DPF2: variants seen among roughly 807,000 people sequenced by gnomAD.
DPF2 encodes double PHD fingers 2, also known as zinc finger protein ubi-d4.
In DPF2, 10 loss-of-function variants were observed where a neutral mutation model predicts 59.6. The ratio of observed to expected loss-of-function variants is 0.17; its 90% confidence interval spans 0.10 to 0.28. DPF2 has a LOEUF of 0.28. DPF2 is among the 10% of genes least tolerant of loss of function. The pLI is 1.00. For synonymous variants in DPF2, 189 were observed against 190.6 expected, an observed-to-expected ratio of 0.99 and a Z score of 0.07; for missense variants, 315 against 509.4, an observed-to-expected ratio of 0.62 and a Z score of 3.67.
chr11:65,343,299 C>CA (rs529933254), intron 4 of DPF2, among the ~76,000 whole-genome samples: 14,314 of 56,542 alleles, frequency 0.25, 2,003 homozygotes, highest in Non-Finnish European at 0.34. Context: ...AACTCTGTCT[C>CA]AAAAAAAAAA....
At chr11:65,345,049 T>C (rs1041212912) in intron 6 of DPF2, 32 of 191,610 alleles carry the variant, frequency 1.7e-4, no homozygotes, top group Non-Finnish European at 6.4e-5. Flanking sequence ...AAATGCCTCA[T>C]GGGGATCTGC....
intron 1 of DPF2, 102 bp from the exon 2 acceptor site, chr11:65,340,283 C>T: frequency 7.1e-7 from 1 of 1,401,040 alleles, no homozygotes; most frequent in East Asian, 2.4e-5. Flanking sequence ...GCCACCCAGT[C>T]CCTTGAGCCT....
intron 1 of DPF2, 65 bp downstream of exon 1, chr11:65,333,983 G>A: frequency 1.3e-6 from 2 of 1,590,208 alleles, no homozygotes; most frequent in South Asian, 1.1e-5. Context: ...AGTAGGGGGC[G>A]GTGGGGGAAG....
chr11:65,343,609 G>A, intron 4 of DPF2, 136 bp from the exon 5 acceptor site: 1 of 708,664 alleles, frequency 1.4e-6, no homozygotes, highest in Non-Finnish European at 2.4e-6. Flanking sequence ...TGCTTGAAAG[G>A]CGTTGGTGAG....
chr11:65,346,385 C>T lies in DPF2; in HGVS notation c.1017+26C>T, dbSNP rs903281954. The T allele has an allele frequency of 3.8e-6, 6 of 1,596,318 alleles. No individual in the cohort carries two copies. In the African/African-American group the frequency reaches 6.7e-5, roughly 18 times the overall value. ...GTGTGTATCCCCGCCCCCTCCTCAG[C>T]ATGGCTCCTTCTGGGCTTTTACTGC... On this transcript the variant is annotated intron_variant, in intron 9 of 10. Coordinates refer to ENST00000528416, the MANE Select transcript of DPF2 (RefSeq NM_006268.5).
chr11:65,345,401 C>T, intron 6 of DPF2: 1 of 490,716 alleles, frequency 2.0e-6, no homozygotes, highest in South Asian at 2.5e-5. Context: ...AGGGCTAAGC[C>T]CCCCAAAAGT....
chr11:65,348,777 T>C (rs1854611562), intron 9 of DPF2, 73 bp from the exon 10 acceptor site: 1 of 1,487,328 alleles, frequency 6.7e-7, no homozygotes. Flanking sequence ...CTCTTGGAAA[T>C]AGCAGTGTCC....
rs1854703949 is a variant in DPF2 at position 65,351,776 on chromosome 11, C to T, written c.*17C>T. 6.2e-7 allele frequency: 1 copy of T among 1,611,380 alleles called. No individual in the cohort carries two copies. Among genetic ancestry groups the T allele is most frequent in the Non-Finnish European group, 8.5e-7 (1 of 1,178,898 alleles). Reference sequence around the variant, plus strand: ...TCCTCTTGATGTGGCCACCCACCTGCTCCCCGACATATCTAAGGCTGTTTC... The same window carrying T: ...TCCTCTTGATGTGGCCACCCACCTGTTCCCCGACATATCTAAGGCTGTTTC... On this transcript the variant is annotated 3_prime_UTR_variant, in exon 11 of 11. Coordinates refer to ENST00000528416, the MANE Select transcript of DPF2 (RefSeq NM_006268.5).
chr11:65,353,519 C>T lies in DPF2; in HGVS notation c.*1760C>T, dbSNP rs923525458. Among the ~76,000 whole-genome samples, 1 of 152,230 alleles carries T rather than the reference C, an allele frequency of 6.6e-6. No individual in the cohort carries two copies. Among genetic ancestry groups the T allele is most frequent in the African/African-American group, 2.4e-5 (1 of 41,462 alleles). On this transcript the variant is annotated 3_prime_UTR_variant, in exon 11 of 11. Transcript: ENST00000528416. Reference sequence around the variant, plus strand: ...AGCAAGTGCTCTAGGATCTGAACTGCCCGCAGTGCAGCCCTGCAGCCTTTC... The same window carrying T: ...AGCAAGTGCTCTAGGATCTGAACTGTCCGCAGTGCAGCCCTGCAGCCTTTC...
chr11:65,338,419 C>CT (rs1854269823), intron 1 of DPF2, among the ~76,000 whole-genome samples: 1 of 152,254 alleles, frequency 6.6e-6, no homozygotes. Context: ...CCCCGCAAAA[C>CT]TGTTTCCAGC....
At position 65,344,082 on chromosome 11, in the gene DPF2, C is replaced by T. The variant is rs373776965; in HGVS notation, c.637+13C>T. On this transcript the variant is annotated intron_variant, in intron 6 of 10. Transcript: ENST00000528416. Reference sequence around the variant, plus strand: ...TATGCCTGTGACAGTGAGTGCCTCACAAGTGGGTGGGTAGACCTTGCCTTG... The same window carrying T: ...TATGCCTGTGACAGTGAGTGCCTCATAAGTGGGTGGGTAGACCTTGCCTTG... 1.1e-5 allele frequency: 18 copies of T among 1,613,824 alleles called. No individual in the cohort carries two copies. The African/African-American group carries it at 2.4e-4, about 22-fold the overall frequency.
At position 65,354,009 on chromosome 11, in the gene DPF2, G is replaced by A. The variant is rs1252068435; in HGVS notation, c.*2250G>A. Reference sequence around the variant, plus strand: ...AGGGTTTGCGGGAGGTAGGATTTGAGATGGGTCTTGGAGAGTTGGACAGTG... The same window carrying A: ...AGGGTTTGCGGGAGGTAGGATTTGAAATGGGTCTTGGAGAGTTGGACAGTG... On this transcript the variant is annotated 3_prime_UTR_variant, in exon 11 of 11. Transcript: ENST00000528416. Among the ~76,000 whole-genome samples, 1 of 152,220 alleles carries A rather than the reference G, an allele frequency of 6.6e-6. No individual in the cohort carries two copies. Among genetic ancestry groups the A allele is most frequent in the Admixed American group, 6.5e-5 (1 of 15,284 alleles).
Position 65,342,132 on chromosome 11 carries a change from G to A in DPF2, c.465+570G>A, listed in dbSNP as rs189875381. On this transcript the variant is annotated intron_variant, in intron 4 of 10. Transcript: ENST00000528416. ...AAAAAATTAAAACCAGAAGGTGCAA[G>A]AATAGTACAATGAAATACCACATAC... The A allele has an allele frequency of 1.6e-3, 240 of 151,492 alleles. 1 individual carries two copies. The highest frequency in any genetic ancestry group is 5.8e-3 in the South Asian group (28 of 4,820). The allele number at this position is 151,492 out of a possible 1,614,324, so 9.4% of individuals were successfully genotyped here. A position where few individuals can be genotyped will look rare whatever the true frequency, so the allele number is the denominator to read the frequency against.
chr11:65,337,452 CAAAAAAA>C (rs750931920), intron 1 of DPF2, among the ~76,000 whole-genome samples: 70 of 13,516 alleles, frequency 5.2e-3, no homozygotes, highest in African/African-American at 0.019. Flanking sequence ...GACTCTATCT[CAAAAAAA>C]AAAAAAAAAA....
intron 1 of DPF2, among the ~76,000 whole-genome samples, chr11:65,334,916 A>AG (rs1950075942): frequency 1.3e-5 from 2 of 152,140 alleles, no homozygotes; most frequent in Non-Finnish European, 2.9e-5. Context: ...AACTCTTCTA[A>AG]GGGACTCACA....
chr11:65,336,625 C>G (rs1950099049), intron 1 of DPF2, among the ~76,000 whole-genome samples: 1 of 140,868 alleles, frequency 7.1e-6, no homozygotes. Flanking sequence ...CCCCACTCTA[C>G]CAAAAATACA....
chr11:65,348,631 A>AAAT, intron 9 of DPF2: 3 of 438,358 alleles, frequency 6.8e-6, no homozygotes, highest in East Asian at 3.7e-5. Context: ...AAAAAAAAAA[A>AAAT]GTGGAGGTGA....
chr11:65,346,182 G>A (rs1378230004), intron 8 of DPF2, 65 bp from the exon 9 acceptor site: 2 of 1,599,762 alleles, frequency 1.3e-6, no homozygotes, highest in Non-Finnish European at 1.7e-6. Context: ...TGTAGCCACA[G>A]GCAGGAGCTC....
chr11:65,343,428 A>AGGCAGGAGAG (rs1338635980), intron 4 of DPF2: 3 of 337,856 alleles, frequency 8.9e-6, no homozygotes, highest in African/African-American at 6.2e-5. Flanking sequence ...GGCCAATCAG[A>AGGCAGGAGAG]GGCAGGAGAG....
Sources: gnomAD v4.1 joint callset for allele counts (sites outside exome capture counted in the v4.1 genomes callset) on GRCh38, gnomAD v4.1.1 for gene constraint, MANE v1.5 for transcripts, NCBI Gene and HGNC (gene_info 2026-07-23, HGNC 2026-07-21) for gene names.